DMD: variants seen among roughly 807,000 people sequenced by gnomAD.
DMD encodes dystrophin.
Under a neutral mutation model 330.1 loss-of-function variants are expected in DMD, and 63 were observed. The observed-to-expected ratio is 0.19, with a 90% CI of 0.16 to 0.24. DMD has a LOEUF of 0.24. Ranked by LOEUF, DMD falls within the 10% of genes least tolerant of loss-of-function variation. The probability of loss-of-function intolerance (pLI) is 1.00; values close to 1 mark genes in which losing one functional copy is unlikely to be tolerated. For synonymous variants in DMD, 1,223 were observed against 959.8 expected (o/e 1.27, Z -5.07); for missense variants, 3,344 against 2,684.1 (o/e 1.25, Z -5.43).
intron 30 of DMD, among the ~76,000 whole-genome samples, chrX:32,402,019 T>A (rs1281410831): frequency 8.9e-6 from 1 of 112,158 alleles, no homozygotes; most frequent in Admixed American, 9.5e-5. Context: ...ATTATTAAAG[T>A]GGAGAAAGCA....
intron 12 of DMD, among the ~76,000 whole-genome samples, chrX:32,596,140 C>G (rs1221567605): frequency 9.0e-6 from 1 of 110,756 alleles, no homozygotes; most frequent in African/African-American, 3.3e-5. Flanking sequence ...ATCCCACCCC[C>G]TTTCTCCCTT....
chrX:32,480,630 G>A (rs1205805825), intron 21 of DMD, among the ~76,000 whole-genome samples: 10 of 111,109 alleles, frequency 9.0e-5, no homozygotes, highest in Non-Finnish European at 3.8e-5. Flanking sequence ...GTGTATATAT[G>A]TACATACGTA....
chrX:32,377,706 C>A (rs911001987), intron 34 of DMD, among the ~76,000 whole-genome samples: 1 of 111,429 alleles, frequency 9.0e-6, no homozygotes, highest in African/African-American at 3.3e-5. Context: ...ATGTCTAATT[C>A]TACTTAAAAG....
intron 1 of DMD, among the ~76,000 whole-genome samples, chrX:33,154,686 T>C (rs188043359): frequency 5.4e-5 from 6 of 111,622 alleles, no homozygotes; most frequent in African/African-American, 1.6e-4. Flanking sequence ...TGACCTTTGG[T>C]TGTAGGCATT....
At chrX:33,009,710 A>ATGTGTATATG (rs745598222) in intron 2 of DMD, among the ~76,000 whole-genome samples, 6 of 63,125 alleles carry the variant, frequency 9.5e-5, no homozygotes, top group Non-Finnish European at 1.5e-4. Flanking sequence ...GTATACGTAT[A>ATGTGTATATG]TGTGTATATG....
At chrX:31,868,349 G>A (rs1342380223) in intron 48 of DMD, among the ~76,000 whole-genome samples, 1 of 112,143 alleles carries the variant, frequency 8.9e-6, no homozygotes, top group Non-Finnish European at 1.9e-5. Context: ...TTTAGAGTAT[G>A]CTTTTGTAAA....
At chrX:33,213,736 G>A (rs745930519), upstream of DMD, among the ~76,000 whole-genome samples, 1 of 112,005 alleles carries the variant, frequency 8.9e-6, no homozygotes, top group South Asian at 3.7e-4. Flanking sequence ...TTCTCCCAAA[G>A]ATTAACTACA....
chrX:32,059,475 C>T (rs1279497356), intron 44 of DMD, among the ~76,000 whole-genome samples: 1 of 111,378 alleles, frequency 9.0e-6, no homozygotes, highest in African/African-American at 3.3e-5. Context: ...TAAGATGTAG[C>T]ATAAGTGACC....
In DMD at chrX:32,327,583, T is replaced by C. The variant is rs188610929; in HGVS notation, c.5922+14517A>G. The stretch of plus-strand genomic sequence containing the variant: ...TCTTACCAAAGATTACGCTCAATTC[T>C]TTTTTAAAAGTTTTGTGAATTTAAT... On this transcript the variant is annotated intron_variant, in intron 41 of 78. Coordinates refer to ENST00000357033, the MANE Select transcript of DMD (RefSeq NM_004006.3). Among the ~76,000 whole-genome samples the C allele has an allele frequency of 3.2e-4, 36 of 111,892 alleles. No homozygotes were observed. In the South Asian group the frequency reaches 3.3e-3, roughly 10 times the overall value.
rs762175156 is a variant in DMD at position 31,360,490 on chromosome X, C to T, written c.9085-11856G>A. The stretch of plus-strand genomic sequence containing the variant: ...TGGTAAAACCACAATTACTTATGTA[C>T]CAACCTAAATATCATTGTCAGAATG... On this transcript the variant is annotated intron_variant, in intron 60 of 78. Transcript: ENST00000357033. Among the ~76,000 whole-genome samples, 5 of 111,894 alleles carry T rather than the reference C, an allele frequency of 4.5e-5. No homozygotes were observed. In the Admixed American group the frequency reaches 4.7e-4, roughly 11 times the overall value.
intron 44 of DMD, among the ~76,000 whole-genome samples, chrX:32,192,612 A>T (rs2147613159): frequency 8.9e-6 from 1 of 112,198 alleles, no homozygotes; most frequent in African/African-American, 3.2e-5. Flanking sequence ...ATAAAGTAAC[A>T]ATTGCTATGT....
chrX:31,222,392 C>CAAAAAAAAAAAAAAAAAAA (rs57227723), intron 64 of DMD, among the ~76,000 whole-genome samples: 1 of 20,627 alleles, frequency 4.8e-5, no homozygotes, highest in Non-Finnish European at 8.7e-5. Flanking sequence ...GACTCCATCT[C>CAAAAAAAAAAAAAAAAAAA]AAAAAAAAAA....
intron 2 of DMD, among the ~76,000 whole-genome samples, chrX:32,927,525 G>C (rs777364418): frequency 9.1e-6 from 1 of 109,587 alleles, no homozygotes; most frequent in Non-Finnish European, 1.9e-5. Flanking sequence ...CAGGTGACCC[G>C]CTGCCTCGGA....
intron 2 of DMD, among the ~76,000 whole-genome samples, chrX:32,918,762 C>A (rs1037037302): frequency 8.9e-6 from 1 of 112,446 alleles, no homozygotes; most frequent in Admixed American, 9.4e-5. Context: ...GCATAGGATA[C>A]ACACAATGAT....
chrX:33,088,325 G>A (rs1187554123), intron 1 of DMD, among the ~76,000 whole-genome samples: 2 of 111,800 alleles, frequency 1.8e-5, no homozygotes, highest in Admixed American at 1.9e-4. Flanking sequence ...GATCACAGGT[G>A]TGAGCCACTG....
At chrX:32,116,055 G>A (rs1416195441) in intron 44 of DMD, among the ~76,000 whole-genome samples, 1 of 111,347 alleles carries the variant, frequency 9.0e-6, no homozygotes, top group Admixed American at 9.5e-5. Context: ...CTTTTATCAC[G>A]GCCTGCAAGA....
At chrX:31,273,573 G>C (rs909234869) in intron 62 of DMD, among the ~76,000 whole-genome samples, 1 of 112,068 alleles carries the variant, frequency 8.9e-6, no homozygotes, top group Admixed American at 9.5e-5. Flanking sequence ...GTAAACAAAG[G>C]AATTACCAGT....
At chrX:32,362,092 A>C (rs1391040804) in intron 37 of DMD, among the ~76,000 whole-genome samples, 1 of 111,843 alleles carries the variant, frequency 8.9e-6, no homozygotes, top group Non-Finnish European at 1.9e-5. Flanking sequence ...TATCACGCAA[A>C]AGTTCCATAT....
chrX:33,148,532 C>T (rs373246770), intron 1 of DMD, among the ~76,000 whole-genome samples: 365 of 111,417 alleles, frequency 3.3e-3, no homozygotes, highest in Non-Finnish European at 5.6e-3. Flanking sequence ...AGTTAGAGAA[C>T]GAACAAGAAT....
Sources: allele counts gnomAD v4.1 joint callset (sites outside exome capture counted in the v4.1 genomes callset), GRCh38; gene constraint gnomAD v4.1.1; transcripts MANE v1.5; gene names NCBI Gene and HGNC (gene_info 2026-07-23, HGNC 2026-07-21).